Variants in PRKCE observed in about 807,000 individuals in gnomAD.
The protein encoded by PRKCE is protein kinase C epsilon, also known as protein kinase C epsilon type.
Under a neutral mutation model 85.4 loss-of-function variants are expected in PRKCE, and 16 were observed. The ratio of observed to expected loss-of-function variants is 0.19; its 90% CI spans 0.13 to 0.28. The LOEUF is 0.28. PRKCE is among the 10% of genes least tolerant of loss of function. The pLI, the probability that PRKCE is intolerant of heterozygous loss-of-function variation, is 1.00. For synonymous variants in PRKCE, 388 were observed against 371.5 expected (o/e 1.04, Z -0.51); for missense variants, 573 against 975.2 (o/e 0.59, Z 5.49).
In PRKCE at chr2:46,184,675, T is replaced by C; in HGVS notation, c.2068-60T>C. 2 of 1,577,430 alleles carry C rather than the reference T, an allele frequency of 1.3e-6. No homozygotes were observed. The highest frequency in any genetic ancestry group is 1.3e-5 in the African/African-American group (1 of 74,542). On this transcript the variant is annotated intron_variant, in intron 14 of 14. Coordinates refer to ENST00000306156, the MANE Select transcript of PRKCE (RefSeq NM_005400.3). This position sits in a 1 kb window ranked among gnomAD's most constrained non-coding sequence, Gnocchi z 5.0. ...TGGTCAGTGCGGTGCCCACTCCCCA[T>C]GGGGGGCCCTCAGGAGGGAGAGCAG... is the stretch of plus-strand genomic sequence containing the variant.
At chr2:45,696,773 C>T (rs1222847020) in intron 1 of PRKCE, among the ~76,000 whole-genome samples, 3 of 152,158 alleles carry the variant, frequency 2.0e-5, no homozygotes, top group Admixed American at 2.0e-4. Context: ...TGAAATCTGG[C>T]CACCATGCGG....
chr2:45,940,674 C>T (rs552890253), intron 2 of PRKCE, among the ~76,000 whole-genome samples: 3 of 152,278 alleles, frequency 2.0e-5, no homozygotes, highest in South Asian at 2.1e-4. Flanking sequence ...TCTCACGTAC[C>T]GCATGCATGT....
chr2:45,711,396 C>T (rs1360017099), intron 1 of PRKCE, among the ~76,000 whole-genome samples: 2 of 152,204 alleles, frequency 1.3e-5, no homozygotes, highest in African/African-American at 4.8e-5. Context: ...TACCTATGAC[C>T]TGGGTGACCT....
At position 45,827,388 on chromosome 2, in the gene PRKCE, T is replaced by C. The variant is rs116343859; in HGVS notation, c.349-15612T>C. 4.5e-3 allele frequency among the ~76,000 whole-genome samples: 692 copies of C among 152,368 alleles called. 7 individuals are homozygous for C. Among genetic ancestry groups the C allele is most frequent in the African/African-American group, 0.016 (647 of 41,582 alleles). Reference sequence around the variant, plus strand: ...CAGAGCTTGAACAGTTTTCAGATCCTTTCTGCTGTGTGCTTCAGGAAATAT... The same window carrying C: ...CAGAGCTTGAACAGTTTTCAGATCCCTTCTGCTGTGTGCTTCAGGAAATAT... On this transcript the variant is annotated intron_variant, in intron 1 of 14. Transcript: ENST00000306156.
At chr2:45,849,091 C>T (rs573441658) in intron 2 of PRKCE, among the ~76,000 whole-genome samples, 15 of 152,226 alleles carry the variant, frequency 9.9e-5, no homozygotes, top group African/African-American at 3.4e-4. Context: ...CAAAGGCAGT[C>T]GTCAGTATTG....
At chr2:45,803,186 G>A (rs1229847193) in intron 1 of PRKCE, among the ~76,000 whole-genome samples, 1 of 152,192 alleles carries the variant, frequency 6.6e-6, no homozygotes, top group East Asian at 1.9e-4. Flanking sequence ...GAGCTTTGAA[G>A]AAAAAGGAGA....
intron 2 of PRKCE, among the ~76,000 whole-genome samples, chr2:45,974,747 A>G (rs1021728458): frequency 2.0e-5 from 3 of 152,288 alleles, no homozygotes; most frequent in African/African-American, 7.2e-5. Context: ...GGAGGGATCA[A>G]TGCTTCTTCC....
At chr2:45,654,612 T>C (rs1402338696) in intron 1 of PRKCE, among the ~76,000 whole-genome samples, 1 of 152,250 alleles carries the variant, frequency 6.6e-6, no homozygotes, top group Non-Finnish European at 1.5e-5. Context: ...GACATTTTTA[T>C]TGTACTTGAT....
At chr2:46,032,453 G>A (rs1342506452) in intron 10 of PRKCE, among the ~76,000 whole-genome samples, 2 of 152,208 alleles carry the variant, frequency 1.3e-5, no homozygotes, top group Non-Finnish European at 2.9e-5. Flanking sequence ...TTGCTGGCAG[G>A]ACTTGCCCTT....
intron 1 of PRKCE, among the ~76,000 whole-genome samples, chr2:45,712,137 C>CTT (rs34233761): frequency 0.059 from 2,712 of 45,848 alleles, 934 homozygotes; most frequent in East Asian, 0.092. Flanking sequence ...ACGGCCTGTC[C>CTT]TTTTTTTTTT....
intron 1 of PRKCE, among the ~76,000 whole-genome samples, chr2:45,688,108 A>G (rs1055503952): frequency 6.6e-6 from 1 of 152,180 alleles, no homozygotes; most frequent in African/African-American, 2.4e-5. Flanking sequence ...TGACAACATT[A>G]TGTTCACACC....
intron 2 of PRKCE, among the ~76,000 whole-genome samples, chr2:45,893,508 C>T (rs1403280153): frequency 6.6e-6 from 1 of 152,112 alleles, no homozygotes; most frequent in Admixed American, 6.5e-5. Flanking sequence ...GCTGGGATTA[C>T]AGGCACCCGC....
At chr2:45,959,788 C>T (rs1396940711) in intron 2 of PRKCE, among the ~76,000 whole-genome samples, 1 of 152,202 alleles carries the variant, frequency 6.6e-6, no homozygotes, top group Non-Finnish European at 1.5e-5. Flanking sequence ...AGCCAGGGTC[C>T]ACACAAATGA....
chr2:45,704,770 T>G (rs1231693213), intron 1 of PRKCE, among the ~76,000 whole-genome samples: 1 of 152,210 alleles, frequency 6.6e-6, no homozygotes, highest in Non-Finnish European at 1.5e-5. Flanking sequence ...AGTTTTCACC[T>G]AAGTGTTATG....
Position 46,084,923 on chromosome 2 carries a change from C to T in PRKCE, c.1438-1285C>T, listed in dbSNP as rs77959229. 8.0e-3 allele frequency among the ~76,000 whole-genome samples: 1,218 copies of T among 152,208 alleles called. 18 individuals are homozygous for T. The highest frequency in any genetic ancestry group is 0.035 in the East Asian group (179 of 5,168). On this transcript the variant is annotated intron_variant, in intron 10 of 14. Coordinates refer to ENST00000306156, the MANE Select transcript of PRKCE (RefSeq NM_005400.3). Reference sequence around the variant, plus strand: ...CAGGCCTAGCTGCATCTAAAATCCTCCATGGCCTCCCAAGTCAGAGAGCTC... The same window carrying T: ...CAGGCCTAGCTGCATCTAAAATCCTTCATGGCCTCCCAAGTCAGAGAGCTC...
chr2:45,994,130 T>C (rs1047853049), intron 6 of PRKCE, among the ~76,000 whole-genome samples: 1 of 152,182 alleles, frequency 6.6e-6, no homozygotes, highest in African/African-American at 2.4e-5. Context: ...TTTAGTAGAC[T>C]TTACTTTTTA....
At chr2:46,112,985 T>G (rs980738030) in intron 11 of PRKCE, among the ~76,000 whole-genome samples, 2 of 152,218 alleles carry the variant, frequency 1.3e-5, no homozygotes, top group Non-Finnish European at 2.9e-5. Context: ...TAACATATTG[T>G]CATAGTACCC....
intron 10 of PRKCE, among the ~76,000 whole-genome samples, chr2:46,040,796 G>C (rs1708172758): frequency 6.6e-6 from 1 of 152,210 alleles, no homozygotes; most frequent in African/African-American, 2.4e-5. Context: ...CAGTGCTAAA[G>C]ACTTACTAAG....
chr2:46,022,873 G>T (rs2104888455), intron 10 of PRKCE, among the ~76,000 whole-genome samples: 1 of 151,814 alleles, frequency 6.6e-6, no homozygotes, highest in East Asian at 1.9e-4. Context: ...CATGAGGTCA[G>T]GAGATCGAGA....
Sources: gnomAD v4.1 joint callset for allele counts (sites outside exome capture counted in the v4.1 genomes callset) on GRCh38, gnomAD v4.1.1 for gene constraint, Gnocchi (gnomAD v3.1) non-coding constraint, MANE v1.5 for transcripts, NCBI Gene and HGNC (gene_info 2026-07-23, HGNC 2026-07-21) for gene names.